ASH1L: variants seen among roughly 807,000 people sequenced by gnomAD.
ASH1L encodes histone-lysine N-methyltransferase ASH1L.
Under a neutral mutation model 269.0 loss-of-function variants are expected in ASH1L, and 23 were observed. The ratio of observed to expected loss-of-function variants is 0.09; its 90% CI spans 0.06 to 0.12. The LOEUF (loss-of-function observed/expected upper bound fraction) is 0.12, where lower values mean the gene tolerates loss of function less well. ASH1L is among the 10% of genes least tolerant of loss of function. The pLI is 1.00. For synonymous variants in ASH1L, 1,187 were observed against 1,253.5 expected, an observed-to-expected ratio of 0.95 and a Z score of 1.12; for missense variants, 2,912 against 3,567.8, an observed-to-expected ratio of 0.82 and a Z score of 4.68.
At chr1:155,433,502 G>C in intron 5 of ASH1L, 1 of 1,610,310 alleles carries the variant, frequency 6.2e-7, no homozygotes, top group Non-Finnish European at 8.5e-7. Flanking sequence ...GAGCAACTCC[G>C]ATGGCACCTC....
chr1:155,430,193 C>A (rs185765340), intron 5 of ASH1L, among the ~76,000 whole-genome samples: 1 of 152,230 alleles, frequency 6.6e-6, no homozygotes, highest in East Asian at 1.9e-4. Flanking sequence ...CCAGGGTGGT[C>A]TTCAACCCCT....
Position 155,431,213 on chromosome 1 carries a change from C to G in ASH1L, c.5828+7114G>C, listed in dbSNP as rs565721856. On this transcript the variant is annotated intron_variant, in intron 5 of 27. Coordinates refer to ENST00000392403, the MANE Select transcript of ASH1L (RefSeq NM_018489.3). ...GAGCAAGATGCCGTCTCAACAACAACAAAAATATATATATATATAATATTT... is the reference window on the plus strand; with the variant it reads ...GAGCAAGATGCCGTCTCAACAACAAGAAAAATATATATATATATAATATTT... 1.3e-3 allele frequency among the ~76,000 whole-genome samples: 190 copies of G among 150,332 alleles called. 1 individual carries two copies. Among genetic ancestry groups the G allele is most frequent in the African/African-American group, 4.5e-3 (182 of 40,862 alleles).
rs2148302137 is a variant in ASH1L at position 155,337,186 on chromosome 1, T to G, written c.*474A>C. 6.5e-6 allele frequency: 1 copy of G among 152,814 alleles called. No individual in the cohort carries two copies. Among genetic ancestry groups the G allele is most frequent in the African/African-American group, 2.4e-5 (1 of 41,532 alleles). 9.5% of individuals were successfully genotyped at this position (152,814 alleles called of 1,614,324 possible). ...AAGAAGCCTCAGCTACTGTTTCTGT[T>G]TAAGGTCTCTGGGGTAGCTCTTGGA... On this transcript the variant is annotated 3_prime_UTR_variant, in exon 28 of 28. Coordinates refer to ENST00000392403, the MANE Select transcript of ASH1L (RefSeq NM_018489.3).
At chr1:155,518,799 G>A (rs1445711608) in intron 2 of ASH1L, among the ~76,000 whole-genome samples, 9 of 150,168 alleles carry the variant, frequency 6.0e-5, no homozygotes, top group Non-Finnish European at 3.0e-5. Flanking sequence ...GAGGTAGAGG[G>A]GAGACGGGGA....
rs1297131961 is a variant in ASH1L at position 155,411,586 on chromosome 1, A to AATAAATAAATATATATATATATATATAT, written c.6008+4157_6008+4158insATATATATATATATATATATTTATTTAT. ...AAATATGAATATAAATAAATAAATA[A>AATAAATAAATATATATATATATATATAT]ATATATATATATATATATATATATA... On this transcript the variant is annotated intron_variant, in intron 6 of 27. Coordinates refer to ENST00000392403, the MANE Select transcript of ASH1L (RefSeq NM_018489.3). Among the ~76,000 whole-genome samples, 79 of 54,958 alleles carry AATAAATAAATATATATATATATATATAT rather than the reference A, an allele frequency of 1.4e-3. 2 individuals are homozygous for AATAAATAAATATATATATATATATATAT. The highest frequency in any genetic ancestry group is 2.3e-3 in the Non-Finnish European group (72 of 31,138). The allele number at this position is 54,958 out of a possible 152,430, so 36.1% of individuals were successfully genotyped here.
chr1:155,392,067 T>C (rs892114431), intron 7 of ASH1L, among the ~76,000 whole-genome samples: 1 of 152,194 alleles, frequency 6.6e-6, no homozygotes, highest in Admixed American at 6.6e-5. Flanking sequence ...TAACACTCTC[T>C]TCCGTGGGGT....
chr1:155,365,378 T>G (rs1290045567), intron 12 of ASH1L, among the ~76,000 whole-genome samples: 2 of 83,126 alleles, frequency 2.4e-5, no homozygotes, highest in Non-Finnish European at 5.6e-5. Flanking sequence ...GCTGATTTTT[T>G]TTTTTTTTTT....
chr1:155,417,964 A>G (rs1484344966), intron 5 of ASH1L, among the ~76,000 whole-genome samples: 1 of 152,142 alleles, frequency 6.6e-6, no homozygotes, highest in African/African-American at 2.4e-5. Context: ...GTCTCAAAAA[A>G]AAAAAAAAGA....
intron 12 of ASH1L, among the ~76,000 whole-genome samples, chr1:155,367,397 C>G (rs891635227): frequency 1.3e-5 from 2 of 152,174 alleles, no homozygotes; most frequent in African/African-American, 4.8e-5. Flanking sequence ...ATTAATCTTG[C>G]TAAATTCACT....
chr1:155,529,553 G>T (rs1476251872), intron 1 of ASH1L, among the ~76,000 whole-genome samples: 1 of 151,788 alleles, frequency 6.6e-6, no homozygotes, highest in Non-Finnish European at 1.5e-5. Flanking sequence ...TCATAGATTT[G>T]CTTAAGTTCC....
At chr1:155,471,758 G>A (rs544327576) in intron 3 of ASH1L, among the ~76,000 whole-genome samples, 12 of 152,228 alleles carry the variant, frequency 7.9e-5, no homozygotes, top group South Asian at 2.1e-4. Flanking sequence ...GGGGTTGCAC[G>A]AAGTTGCAAA....
At chr1:155,435,603 G>A (rs1224039002) in intron 5 of ASH1L, among the ~76,000 whole-genome samples, 1 of 149,632 alleles carries the variant, frequency 6.7e-6, no homozygotes, top group Non-Finnish European at 1.5e-5. Flanking sequence ...CTAGAAAAAA[G>A]CAATTATTTT....
At chr1:155,354,147 G>A (rs1654160032) in intron 16 of ASH1L, among the ~76,000 whole-genome samples, 1 of 152,208 alleles carries the variant, frequency 6.6e-6, no homozygotes, top group South Asian at 2.1e-4. Flanking sequence ...ATAGAAATTC[G>A]GCTGAGTGTG....
chr1:155,346,883 A>C (rs1653389509), intron 20 of ASH1L, among the ~76,000 whole-genome samples: 1 of 152,186 alleles, frequency 6.6e-6, no homozygotes, highest in African/African-American at 2.4e-5. Flanking sequence ...TTTACACATA[A>C]AGTTATGCAT....
chr1:155,524,338 G>A (rs1026677152), intron 1 of ASH1L, among the ~76,000 whole-genome samples: 5 of 151,314 alleles, frequency 3.3e-5, no homozygotes, highest in African/African-American at 4.9e-5. Flanking sequence ...TAGCTAACTC[G>A]GTGAAACCCC....
intron 2 of ASH1L, among the ~76,000 whole-genome samples, chr1:155,512,560 T>C (rs1668233024): frequency 6.7e-6 from 1 of 148,406 alleles, no homozygotes; most frequent in Admixed American, 6.8e-5. Flanking sequence ...CAAGAGCTTC[T>C]CTTGCTTCAG....
chr1:155,425,531 T>C (rs1015682599), intron 5 of ASH1L, among the ~76,000 whole-genome samples: 58 of 150,752 alleles, frequency 3.8e-4, no homozygotes, highest in Non-Finnish European at 3.0e-5. Context: ...CTCTGCCTCC[T>C]GGGTTCAAGC....
chr1:155,449,352 T>C (rs533895245), intron 4 of ASH1L, among the ~76,000 whole-genome samples: 2 of 152,356 alleles, frequency 1.3e-5, no homozygotes, highest in South Asian at 4.1e-4. Flanking sequence ...ATTTAGAGAA[T>C]TTCATAACTT....
At chr1:155,420,881 T>G (rs1660621706) in intron 5 of ASH1L, among the ~76,000 whole-genome samples, 1 of 146,278 alleles carries the variant, frequency 6.8e-6, no homozygotes, top group Non-Finnish European at 1.5e-5. Context: ...TAACCTAAAA[T>G]AAATGCAGTA....
Sources: allele counts gnomAD v4.1 joint callset (sites outside exome capture counted in the v4.1 genomes callset), GRCh38; gene constraint gnomAD v4.1.1; transcripts MANE v1.5; gene names NCBI Gene and HGNC (gene_info 2026-07-23, HGNC 2026-07-21).